The following ANKS1B variants were observed in gnomAD, a reference collection of about 807,000 sequenced individuals.
ANKS1B encodes the protein ankyrin repeat and sterile alpha motif domain containing 1B.
Under a neutral mutation model 148.3 loss-of-function variants are expected in ANKS1B, and 36 were observed. The ratio of observed to expected loss-of-function variants is 0.24; its 90% CI spans 0.19 to 0.32. The LOEUF (loss-of-function observed/expected upper bound fraction) is 0.32, where lower values mean the gene tolerates loss of function less well. Among genes scored for constraint, ANKS1B ranks in the 10% least tolerant of loss-of-function variants. The probability of loss-of-function intolerance (pLI) is 1.00; values close to 1 mark genes in which losing one functional copy is unlikely to be tolerated. For missense variants in ANKS1B, 1,157 were observed against 1,542.6 expected (o/e 0.75, Z 4.19); for synonymous variants, 542 against 560.8 (o/e 0.97, Z 0.47).
intron 8 of ANKS1B, among the ~76,000 whole-genome samples, chr12:99,767,375 C>T (rs2062752591): frequency 6.6e-6 from 1 of 151,746 alleles, no homozygotes; most frequent in Admixed American, 6.6e-5. Context: ...AAGACATACG[C>T]TGATGAGGTA....
intron 1 of ANKS1B, among the ~76,000 whole-genome samples, chr12:99,979,098 G>C (rs992327744): frequency 2.1e-4 from 32 of 152,014 alleles, no homozygotes; most frequent in African/African-American, 7.5e-4. Flanking sequence ...TTTTGCAGCT[G>C]TCTCATAAAA....
chr12:99,728,035 C>G (rs10860496), intron 8 of ANKS1B, among the ~76,000 whole-genome samples: 1 of 151,816 alleles, frequency 6.6e-6, no homozygotes, highest in Admixed American at 6.6e-5. Context: ...AAACCCTAGA[C>G]GAAAACTTAG....
intron 2 of ANKS1B, among the ~76,000 whole-genome samples, chr12:99,821,510 T>C (rs145697805): frequency 1.9e-3 from 286 of 151,682 alleles, no homozygotes; most frequent in African/African-American, 6.7e-3. Context: ...TAGAAAAACA[T>C]ATCTCAACAG....
Position 98,856,195 on chromosome 12 carries a change from T to A in ANKS1B, c.2779-24059A>T, listed in dbSNP as rs117339330. ...GCCTGCTACATCATGGTTTAGTGAA[T>A]AATTTGCATTTTATGATGTATATAC... On this transcript the variant is annotated intron_variant, in intron 17 of 26. Coordinates refer to ENST00000683438, the MANE Select transcript of ANKS1B (RefSeq NM_001352186.2). Among the ~76,000 whole-genome samples, 541 of 152,362 alleles carry A rather than the reference T, an allele frequency of 3.6e-3. 14 individuals carry two copies. In the East Asian group the frequency reaches 0.068, roughly 19 times the overall value.
chr12:99,951,913 C>T (rs1269894911), intron 1 of ANKS1B, among the ~76,000 whole-genome samples: 3 of 152,024 alleles, frequency 2.0e-5, no homozygotes, highest in Admixed American at 2.0e-4. Flanking sequence ...GGACAGGGAC[C>T]TGTTTCATGA....
At chr12:99,708,588 T>C (rs2056175720) in intron 8 of ANKS1B, among the ~76,000 whole-genome samples, 1 of 152,168 alleles carries the variant, frequency 6.6e-6, no homozygotes, top group Admixed American at 6.5e-5. Flanking sequence ...TATTCCTCAT[T>C]GGCTCTGGCT....
chr12:99,523,677 C>G (rs1309857914), intron 9 of ANKS1B, among the ~76,000 whole-genome samples: 2 of 151,924 alleles, frequency 1.3e-5, no homozygotes, highest in Non-Finnish European at 2.9e-5. Flanking sequence ...CCTCAGCCTC[C>G]CAATAGCTGG....
chr12:99,156,567 A>G (rs1601225496), intron 14 of ANKS1B, among the ~76,000 whole-genome samples: 2 of 152,142 alleles, frequency 1.3e-5, no homozygotes, highest in South Asian at 4.1e-4. Context: ...GACAGGCAGG[A>G]TTACTTGCTG....
chr12:99,500,283 A>G (rs1244208959), intron 10 of ANKS1B, among the ~76,000 whole-genome samples: 1 of 152,154 alleles, frequency 6.6e-6, no homozygotes, highest in East Asian at 1.9e-4. Flanking sequence ...GACGTAATAC[A>G]AATGATGCAG....
At chr12:99,892,973 C>A (rs1272414112) in intron 1 of ANKS1B, among the ~76,000 whole-genome samples, 2 of 152,072 alleles carry the variant, frequency 1.3e-5, no homozygotes, top group Non-Finnish European at 2.9e-5. Context: ...ATTAGAGGAC[C>A]CCCCACCATG....
chr12:98,895,120 G>T, intron 17 of ANKS1B: 1 of 985,260 alleles, frequency 1.0e-6, no homozygotes, highest in Non-Finnish European at 1.2e-6. Flanking sequence ...CTTGGCCGCC[G>T]GGGAGGGCTT....
chr12:99,155,008 A>T, intron 14 of ANKS1B: 1 of 1,535,416 alleles, frequency 6.5e-7, no homozygotes, highest in Non-Finnish European at 8.7e-7. Flanking sequence ...GAGCAGTCAA[A>T]ACAAATGCAG....
At chr12:99,265,460 G>A (rs2153985051) in intron 12 of ANKS1B, among the ~76,000 whole-genome samples, 1 of 152,202 alleles carries the variant, frequency 6.6e-6, no homozygotes, top group Admixed American at 6.5e-5. Flanking sequence ...CTTGGGGTGG[G>A]CCCAGCAATC....
chr12:99,905,700 T>C (rs2093754009), intron 1 of ANKS1B, among the ~76,000 whole-genome samples: 2 of 152,236 alleles, frequency 1.3e-5, no homozygotes, highest in Admixed American at 1.3e-4. Flanking sequence ...GGCATGCAGA[T>C]AGCTGCTTTC....
chr12:98,753,675 C>G (rs1390559374), intron 25 of ANKS1B, among the ~76,000 whole-genome samples: 1 of 152,214 alleles, frequency 6.6e-6, no homozygotes, highest in Non-Finnish European at 1.5e-5. Flanking sequence ...GATCCACCCA[C>G]CTCGGCCTCC....
At chr12:99,978,271 A>C (rs1213976298) in intron 1 of ANKS1B, among the ~76,000 whole-genome samples, 1 of 152,228 alleles carries the variant, frequency 6.6e-6, no homozygotes, top group Non-Finnish European at 1.5e-5. Context: ...TGTGCAATGG[A>C]TGGACAGGTT....
chr12:99,743,808 T>G (rs1376126091), intron 8 of ANKS1B, among the ~76,000 whole-genome samples: 1 of 152,220 alleles, frequency 6.6e-6, no homozygotes, highest in Non-Finnish European at 1.5e-5. Flanking sequence ...AGTGTTAATT[T>G]CAACTAAAGT....
intron 9 of ANKS1B, among the ~76,000 whole-genome samples, chr12:99,590,277 C>CACAT (rs984699987): frequency 0.011 from 1,717 of 151,516 alleles, 44 homozygotes; most frequent in African/African-American, 0.039. Flanking sequence ...CACACACACA[C>CACAT]ACACACACAC....
At chr12:99,496,366 C>CATTCATTCGTTCATTCAATT (rs2096604601) in intron 10 of ANKS1B, among the ~76,000 whole-genome samples, 2 of 152,302 alleles carry the variant, frequency 1.3e-5, no homozygotes, top group South Asian at 4.1e-4. Context: ...AATATCCATC[C>CATTCATTCGTTCATTCAATT]ATTCATTCGT....
Sources: allele counts gnomAD v4.1 joint callset (sites outside exome capture counted in the v4.1 genomes callset), GRCh38; gene constraint gnomAD v4.1.1; transcripts MANE v1.5; gene names NCBI Gene and HGNC (gene_info 2026-07-23, HGNC 2026-07-21).